Variants in IQSEC1 observed in about 807,000 individuals in gnomAD.
IQSEC1 encodes IQ motif and SEC7 domain-containing protein 1.
IQSEC1 carries 31 observed loss-of-function variants against 91.0 expected under a neutral mutation model. The observed-to-expected ratio is 0.34, with a 90% CI of 0.26 to 0.46. IQSEC1 has a LOEUF of 0.46. IQSEC1 is among the 20% of genes least tolerant of loss of function. The pLI is 1.00. For missense variants in IQSEC1, 1,388 were observed against 1,575.6 expected, an observed-to-expected ratio of 0.88 and a Z score of 2.02; for synonymous variants, 699 against 662.6, an observed-to-expected ratio of 1.05 and a Z score of -0.84.
chr3:13,206,430 A>G (rs941546766), intron 1 of IQSEC1, among the ~76,000 whole-genome samples: 5 of 152,144 alleles, frequency 3.3e-5, no homozygotes, highest in African/African-American at 1.2e-4. Flanking sequence ...GAACACCACA[A>G]TGAGACACCA....
chr3:13,244,296 G>A (rs969314205), intron 1 of IQSEC1, among the ~76,000 whole-genome samples: 6 of 152,128 alleles, frequency 3.9e-5, no homozygotes, highest in East Asian at 3.8e-4. Flanking sequence ...AGATTCGAGC[G>A]ATTCTCCTGC....
chr3:13,262,242 T>C (rs1176935256), intron 1 of IQSEC1, among the ~76,000 whole-genome samples: 1 of 152,204 alleles, frequency 6.6e-6, no homozygotes, highest in Non-Finnish European at 1.5e-5. Context: ...CGCTCAACAC[T>C]TTCCTGTCTT....
chr3:13,219,493 G>A (rs1340310092), intron 1 of IQSEC1, among the ~76,000 whole-genome samples: 2 of 152,252 alleles, frequency 1.3e-5, no homozygotes, highest in Non-Finnish European at 2.9e-5. Flanking sequence ...CCCCACCCCC[G>A]GCGGGAAGGC....
At chr3:13,245,852 T>G (rs1356902532) in intron 1 of IQSEC1, among the ~76,000 whole-genome samples, 1 of 151,976 alleles carries the variant, frequency 6.6e-6, no homozygotes, top group Non-Finnish European at 1.5e-5. Flanking sequence ...CCATGGCCTT[T>G]CCTGCTAGAT....
intron 1 of IQSEC1, among the ~76,000 whole-genome samples, chr3:12,987,590 A>T (rs1051855587): frequency 6.6e-6 from 1 of 152,226 alleles, no homozygotes. Context: ...GAGAAAGTTG[A>T]CTACTTGAAT....
intron 1 of IQSEC1, among the ~76,000 whole-genome samples, chr3:13,019,542 C>G (rs945875270): frequency 6.6e-6 from 1 of 152,230 alleles, no homozygotes; most frequent in Non-Finnish European, 1.5e-5. Flanking sequence ...GGGCTGGGAT[C>G]CGCAGAGGGC....
intron 1 of IQSEC1, among the ~76,000 whole-genome samples, chr3:13,059,418 T>C (rs901742557): frequency 2.0e-5 from 3 of 152,192 alleles, no homozygotes; most frequent in Admixed American, 1.3e-4. Context: ...GCTTTTCCTA[T>C]CACCCCCTGA....
chr3:13,228,518 T>A (rs2125085770), intron 1 of IQSEC1, among the ~76,000 whole-genome samples: 1 of 152,374 alleles, frequency 6.6e-6, no homozygotes. Context: ...GTTTTATTAA[T>A]CTTAGATTAA....
At chr3:12,955,007 C>G (rs900330794) in intron 1 of IQSEC1, among the ~76,000 whole-genome samples, 1 of 152,228 alleles carries the variant, frequency 6.6e-6, no homozygotes, top group Non-Finnish European at 1.5e-5. Flanking sequence ...GCACCGAAGC[C>G]TGGAGAGAAC....
chr3:12,942,732 T>G (rs1698869964), intron 1 of IQSEC1, among the ~76,000 whole-genome samples: 1 of 152,258 alleles, frequency 6.6e-6, no homozygotes. Context: ...GTTGAAGCCC[T>G]GGCCCCCACC....
At chr3:13,084,145 A>G (rs1705695949) in intron 2 of IQSEC1, among the ~76,000 whole-genome samples, 1 of 152,162 alleles carries the variant, frequency 6.6e-6, no homozygotes, top group Admixed American at 6.5e-5. Flanking sequence ...AGCTGGTCCC[A>G]GCTGTGGTGG....
At chr3:13,105,252 C>T (rs1706134061) in intron 2 of IQSEC1, among the ~76,000 whole-genome samples, 1 of 152,138 alleles carries the variant, frequency 6.6e-6, no homozygotes, top group Non-Finnish European at 1.5e-5. Context: ...TGATCCCCTC[C>T]CCTCCAGGGG....
intron 1 of IQSEC1, among the ~76,000 whole-genome samples, chr3:12,964,299 T>TACACACACACACACACACACACAC (rs3072719): frequency 1.3e-5 from 2 of 149,800 alleles, no homozygotes; most frequent in Non-Finnish European, 1.5e-5. Context: ...ATACTCCCCC[T>TACACACACACACACACACACACAC]ACACACACAC....
chr3:13,130,510 C>A (rs1011547202), intron 2 of IQSEC1, among the ~76,000 whole-genome samples: 1 of 151,966 alleles, frequency 6.6e-6, no homozygotes, highest in Non-Finnish European at 1.5e-5. Flanking sequence ...GTAAACTTTC[C>A]AGGTGCACTG....
intron 2 of IQSEC1, among the ~76,000 whole-genome samples, chr3:13,098,265 A>G (rs1360995625): frequency 6.6e-6 from 1 of 152,256 alleles, no homozygotes; most frequent in African/African-American, 2.4e-5. Context: ...CTGGCAATCA[A>G]TGGAACCAAC....
rs1021386249 is a variant in IQSEC1 at position 12,926,319 on chromosome 3, A to C, written c.1569-1577T>G. Among the ~76,000 whole-genome samples the C allele has an allele frequency of 2.6e-5, 4 of 152,192 alleles. No individual in the cohort carries two copies. The East Asian group carries it at 5.8e-4, about 22-fold the overall frequency. Reference sequence around the variant, plus strand: ...AGCAAGACTCCATGTCAAAAAAAAAAAAAACAAAAAAGGAGACAGGCTGGT... The same window carrying C: ...AGCAAGACTCCATGTCAAAAAAAAACAAAACAAAAAAGGAGACAGGCTGGT... On this transcript the variant is annotated intron_variant, in intron 3 of 13. Coordinates refer to ENST00000613206, the MANE Select transcript of IQSEC1 (RefSeq NM_001134382.3).
intron 1 of IQSEC1, among the ~76,000 whole-genome samples, chr3:13,001,500 C>G (rs1576145253): frequency 6.6e-6 from 1 of 152,216 alleles, no homozygotes; most frequent in Non-Finnish European, 1.5e-5. Context: ...CGCTGCTACA[C>G]TGGAAGGTCC....
At chr3:13,006,223 C>T (rs891096908) in intron 1 of IQSEC1, among the ~76,000 whole-genome samples, 2 of 152,234 alleles carry the variant, frequency 1.3e-5, no homozygotes, top group African/African-American at 4.8e-5. Context: ...GGGCATACGA[C>T]TTTCCTTTCA....
chr3:13,164,285 G>T (rs12490841), intron 1 of IQSEC1, among the ~76,000 whole-genome samples: 5,858 of 152,256 alleles, frequency 0.038, 256 homozygotes, highest in Admixed American at 0.13. Flanking sequence ...ATCCTCCGGG[G>T]TCTCTTGCTG....
Sources: gnomAD v4.1 joint callset for allele counts (sites outside exome capture counted in the v4.1 genomes callset) on GRCh38, gnomAD v4.1.1 for gene constraint, MANE v1.5 for transcripts, NCBI Gene and HGNC (gene_info 2026-07-23, HGNC 2026-07-21) for gene names.